CTXN3: variants seen among roughly 807,000 people sequenced by gnomAD.
The protein encoded by CTXN3 is cortexin-3.
In CTXN3, 4 loss-of-function variants were observed where a neutral mutation model predicts 5.0. The ratio of observed to expected loss-of-function variants is 0.79; its 90% CI spans 0.39 to 1.82. The LOEUF (loss-of-function observed/expected upper bound fraction) is 1.82. Ranked by LOEUF, CTXN3 falls within the 40% of genes most tolerant of loss-of-function variation. The probability of loss-of-function intolerance (pLI) is 0.04; values close to 1 mark genes in which losing one functional copy is unlikely to be tolerated. For missense variants in CTXN3, 89 were observed against 99.7 expected (o/e 0.89, Z 0.46); for synonymous variants, 48 against 38.6 (o/e 1.24, Z -0.91).
chr5:127,652,983 A>AG (rs1264796158), intron 1 of CTXN3: 1 of 152,196 alleles, frequency 6.6e-6, no homozygotes, highest in Non-Finnish European at 1.5e-5. Context: ...CAGGCCCACA[A>AG]GGGGGTTAAT....
chr5:127,656,870 G>A (rs554565455), intron 2 of CTXN3, among the ~76,000 whole-genome samples: 6 of 152,260 alleles, frequency 3.9e-5, no homozygotes, highest in African/African-American at 7.2e-5. Context: ...AGTGGAGCCC[G>A]GAGCCCAGAA....
intron 2 of CTXN3, among the ~76,000 whole-genome samples, chr5:127,656,940 C>T (rs146512253): frequency 1.3e-5 from 2 of 152,194 alleles, no homozygotes; most frequent in East Asian, 3.9e-4. Context: ...AGTTTCCTTG[C>T]ACTGGGGCTA....
At chr5:127,653,946 T>A (rs1749848707) in intron 2 of CTXN3, among the ~76,000 whole-genome samples, 1 of 152,162 alleles carries the variant, frequency 6.6e-6, no homozygotes, top group Non-Finnish European at 1.5e-5. Context: ...CCCCTAGGGC[T>A]CTCCAGTGGG....
chr5:127,653,458 AGCT>A (rs1749837650), intron 2 of CTXN3, 35 bp downstream of exon 2: 1 of 152,204 alleles, frequency 6.6e-6, no homozygotes, highest in Non-Finnish European at 1.5e-5. Context: ...TACTTAAAAT[AGCT>A]GCCATGTGTT....
intron 1 of CTXN3, chr5:127,652,312 TCTCTGCATCAGTTAG>T (rs1400762557): frequency 1.3e-5 from 2 of 152,210 alleles, no homozygotes; most frequent in African/African-American, 4.8e-5. Flanking sequence ...TTGTTTTTCC[TCTCTGCATCAGTTAG>T]CTGGCACCTC....
chr5:127,658,051 G>A lies in CTXN3; in HGVS notation c.*284G>A. The A allele has an allele frequency of 2.7e-6, 1 of 365,356 alleles. No individual in the cohort carries two copies. Among genetic ancestry groups the A allele is most frequent in the Non-Finnish European group, 5.3e-6 (1 of 189,886 alleles). 22.6% of individuals were successfully genotyped at this position (365,356 alleles called of 1,614,324 possible). A position where few individuals can be genotyped will look rare whatever the true frequency, so the allele number is the denominator to read the frequency against. On this transcript the variant is annotated 3_prime_UTR_variant, in exon 3 of 3. Transcript: ENST00000379445. The stretch of plus-strand genomic sequence containing the variant: ...TTGTGAAACCAAGAGCGTTAATACT[G>A]ACATAGATTTGCCATCAAACAAAAC...
chr5:127,655,540 A>C (rs1276199631), intron 2 of CTXN3, among the ~76,000 whole-genome samples: 1 of 152,162 alleles, frequency 6.6e-6, no homozygotes, highest in South Asian at 2.1e-4. Context: ...ATTTCATATG[A>C]TTAAGTATAG....
chr5:127,657,491 A>G lies in CTXN3; in HGVS notation c.-31A>G. On this transcript the variant is annotated 5_prime_UTR_variant, in exon 3 of 3. Transcript: ENST00000379445. ...ATTGATGATGGAAGAAAAGAAAACC[A>G]GGATATCCTGTGCTCTGGCTTCCCT... 6.2e-7 allele frequency: 1 copy of G among 1,609,932 alleles called. No individual in the cohort carries two copies. The highest frequency in any genetic ancestry group is 8.5e-7 in the Non-Finnish European group (1 of 1,177,530).
In CTXN3 at chr5:127,657,620, T is replaced by C. The variant is rs1455924988; in HGVS notation, c.99T>C (p.Phe33=). ...MSLEQKMTFV[F]VILLFIFLGI... is the part of the protein sequence containing the mutation. ...TGGAGCAGAAAATGACATTTGTTTT[T>C]GTGATTCTGTTGTTTATTTTCTTGG... is the stretch of plus-strand genomic sequence containing the variant. Residue 33 remains phenylalanine (F), a synonymous_variant, in exon 3 of 3, where the codon TTT becomes TTC. Coordinates refer to ENST00000379445, the MANE Select transcript of CTXN3 (RefSeq NM_001048252.3). The C allele has an allele frequency of 6.2e-7, 1 of 1,614,228 alleles. No individual in the cohort carries two copies. Among genetic ancestry groups the C allele is most frequent in the South Asian group, 1.1e-5 (1 of 91,074 alleles).
At chr5:127,653,182 G>T (rs1186678172) in intron 1 of CTXN3, 135 bp from the exon 2 acceptor site, 1 of 152,226 alleles carries the variant, frequency 6.6e-6, no homozygotes, top group African/African-American at 2.4e-5. Context: ...GACTACGCCT[G>T]CTGGGCTTCG....
At chr5:127,651,323 A>G (rs556451378) in intron 1 of CTXN3, among the ~76,000 whole-genome samples, 53 of 152,264 alleles carry the variant, frequency 3.5e-4, no homozygotes, top group African/African-American at 1.2e-3. Flanking sequence ...TTTAAAAATT[A>G]GGTACTGCAA....
intron 1 of CTXN3, among the ~76,000 whole-genome samples, chr5:127,649,874 C>A (rs138637789): frequency 1.3e-5 from 2 of 152,006 alleles, no homozygotes; most frequent in Admixed American, 1.3e-4. Flanking sequence ...AGCAAGTAGC[C>A]GTTTTCACTA....
intron 2 of CTXN3, among the ~76,000 whole-genome samples, chr5:127,655,615 G>T (rs1185613507): frequency 6.6e-6 from 1 of 152,186 alleles, no homozygotes; most frequent in East Asian, 1.9e-4. Context: ...TGCATTGGAG[G>T]CTCTGGCCTC....
Position 127,657,560 on chromosome 5 carries a change from C to T in CTXN3, c.39C>T (p.Pro13=), listed in dbSNP as rs199834318. The T allele has an allele frequency of 4.3e-5, 70 of 1,613,886 alleles. No homozygotes were observed. Among genetic ancestry groups the T allele is most frequent in the Non-Finnish European group, 5.8e-5 (68 of 1,179,926 alleles). ...GGQPIPSSLV[P]LGNESADSSM... ...AGCCCATCCCCTCATCCCTAGTGCC[C>T]CTTGGGAACGAATCAGCAGATTCTA... is the stretch of plus-strand genomic sequence containing the variant. The change falls in exon 3 of 3, where the codon CCC becomes CCT. Residue 13 remains proline (P), a synonymous_variant. Transcript: ENST00000379445.
At chr5:127,650,920 A>G (rs1749771973) in intron 1 of CTXN3, among the ~76,000 whole-genome samples, 1 of 152,190 alleles carries the variant, frequency 6.6e-6, no homozygotes, top group African/African-American at 2.4e-5. Flanking sequence ...CTTTAGTGCT[A>G]AAAGTAGAGA....
At chr5:127,650,029 G>A (rs933782961) in intron 1 of CTXN3, among the ~76,000 whole-genome samples, 17 of 152,038 alleles carry the variant, frequency 1.1e-4, no homozygotes, top group African/African-American at 3.9e-4. Context: ...GATGTTCTCA[G>A]CTAGGCAGTA....
At chr5:127,654,980 A>G (rs1749872431) in intron 2 of CTXN3, among the ~76,000 whole-genome samples, 1 of 152,022 alleles carries the variant, frequency 6.6e-6, no homozygotes, top group Non-Finnish European at 1.5e-5. Context: ...CTTTCTGAAA[A>G]TGGCCAGGCA....
In CTXN3 at chr5:127,657,623, G is replaced by T; in HGVS notation, c.102G>T (p.Val34=). 1.2e-6 allele frequency: 2 copies of T among 1,614,202 alleles called. No homozygotes were observed. The highest frequency in any genetic ancestry group is 1.7e-6 in the Non-Finnish European group (2 of 1,180,036). Residue 34 remains valine (V), a synonymous_variant, in exon 3 of 3, where the codon GTG becomes GTT. Transcript: ENST00000379445. Reference sequence around the variant, plus strand: ...AGCAGAAAATGACATTTGTTTTTGTGATTCTGTTGTTTATTTTCTTGGGCA... The same window carrying T: ...AGCAGAAAATGACATTTGTTTTTGTTATTCTGTTGTTTATTTTCTTGGGCA... The part of the protein sequence containing the change: ...SLEQKMTFVF[V]ILLFIFLGIL...
At position 127,658,372 on chromosome 5, in the gene CTXN3, C is replaced by T. The variant is rs1467317238; in HGVS notation, c.*605C>T. ...TTTGTTTTTCAAGTAAAACTTAATT[C>T]AAAGGCTACAAAGTTTTAAAAACTA... On this transcript the variant is annotated 3_prime_UTR_variant, in exon 3 of 3. Transcript: ENST00000379445. 1.2e-5 allele frequency: 2 copies of T among 167,450 alleles called. No individual in the cohort carries two copies. The highest frequency in any genetic ancestry group is 2.9e-5 in the Non-Finnish European group (2 of 68,434). The allele number at this position is 167,450 out of a possible 1,614,324, so 10.4% of individuals were successfully genotyped here.
Sources: gnomAD v4.1 joint callset for allele counts (sites outside exome capture counted in the v4.1 genomes callset) on GRCh38, gnomAD v4.1.1 for gene constraint, MANE v1.5 for transcripts, NCBI Gene and HGNC (gene_info 2026-07-23, HGNC 2026-07-21) for gene names.